The following CNTNAP2 variants were observed in gnomAD, a reference collection of about 807,000 sequenced individuals.
CNTNAP2 encodes contactin associated protein 2.
A neutral mutation model predicts 155.2 loss-of-function variants in CNTNAP2; 98 were observed. That is an observed-to-expected ratio of 0.63 (90% CI 0.54 to 0.75). The LOEUF (loss-of-function observed/expected upper bound fraction) is 0.75, where lower values mean the gene tolerates loss of function less well. CNTNAP2 is among the 30% of genes least tolerant of loss of function. CNTNAP2 has a pLI of 0.00. For missense variants in CNTNAP2, 1,727 were observed against 1,688.1 expected, an observed-to-expected ratio of 1.02 and a Z score of -0.40; for synonymous variants, 651 against 631.2, an observed-to-expected ratio of 1.03 and a Z score of -0.47.
At chr7:147,945,689 T>TTATA (rs10557677) in intron 14 of CNTNAP2, among the ~76,000 whole-genome samples, 33,735 of 148,040 alleles carry the variant, frequency 0.23, 4,504 homozygotes, top group South Asian at 0.34. Context: ...ACAAAAGCCT[T>TTATA]TATATATATA....
At chr7:146,519,079 G>A (rs73741729) in intron 1 of CNTNAP2, among the ~76,000 whole-genome samples, 1,579 of 151,932 alleles carry the variant, frequency 0.01, 24 homozygotes, top group Middle Eastern at 0.065. Flanking sequence ...ATCTCTAAAC[G>A]AGCGTGTGTT....
chr7:147,609,186 A>C (rs975054359), intron 12 of CNTNAP2, among the ~76,000 whole-genome samples: 2 of 152,130 alleles, frequency 1.3e-5, no homozygotes, highest in Non-Finnish European at 2.9e-5. Context: ...TGCAAAAGTT[A>C]AAACAAACAA....
intron 15 of CNTNAP2, among the ~76,000 whole-genome samples, chr7:148,071,895 C>G (rs1483803243): frequency 6.6e-6 from 1 of 152,150 alleles, no homozygotes; most frequent in East Asian, 1.9e-4. Context: ...GTTCACTCTT[C>G]AAGGTTGTGG....
At position 146,913,845 on chromosome 7, in the gene CNTNAP2, C is replaced by G. The variant is rs192655530; in HGVS notation, c.402+73941C>G. Among the ~76,000 whole-genome samples the G allele has an allele frequency of 3.1e-4, 47 of 151,858 alleles. 1 individual carries two copies. The highest frequency in any genetic ancestry group is 2.8e-3 in the Admixed American group (42 of 15,194). On this transcript the variant is annotated intron_variant, in intron 3 of 23. Coordinates refer to ENST00000361727, the MANE Select transcript of CNTNAP2 (RefSeq NM_014141.6). ...AGTGGTGATTTCTGAGATTTTGGAG[C>G]ACCCATCACCTGAGCAGTGTACACC...
chr7:146,787,675 T>G (rs1458702170), intron 2 of CNTNAP2, among the ~76,000 whole-genome samples: 1 of 152,158 alleles, frequency 6.6e-6, no homozygotes, highest in Non-Finnish European at 1.5e-5. Flanking sequence ...CCGAGCAGGT[T>G]GTCACTGCTG....
chr7:147,868,322 A>G (rs1799267952), intron 13 of CNTNAP2, among the ~76,000 whole-genome samples: 2 of 152,202 alleles, frequency 1.3e-5, no homozygotes, highest in Non-Finnish European at 2.9e-5. Flanking sequence ...ATATTGCTGC[A>G]TGATCCTTCC....
chr7:147,084,594 TATA>T (rs571554815), intron 4 of CNTNAP2, among the ~76,000 whole-genome samples: 230 of 146,382 alleles, frequency 1.6e-3, no homozygotes, highest in African/African-American at 5.4e-3. Flanking sequence ...ATATAGCATA[TATA>T]ATGCTATATA....
At chr7:148,354,323 G>A (rs929470666) in intron 21 of CNTNAP2, among the ~76,000 whole-genome samples, 17 of 150,366 alleles carry the variant, frequency 1.1e-4, no homozygotes, top group African/African-American at 3.9e-4. Context: ...GGTTCCTCCT[G>A]ATAATCAAGG....
Position 148,384,016 on chromosome 7 carries a change from G to T in CNTNAP2, c.3715+128G>T, listed in dbSNP as rs939685567. On this transcript the variant is annotated intron_variant, in intron 22 of 23. Transcript: ENST00000361727. The stretch of plus-strand genomic sequence containing the variant: ...ATTGGAGGATTAAGAAAGGGCAAAG[G>T]AACGTTGTGAGTACGGAGTTCTCAG... 123 of 1,340,640 alleles carry T rather than the reference G, an allele frequency of 9.2e-5. 1 individual carries two copies. The South Asian group carries it at 1.5e-3, about 16-fold the overall frequency. The allele number at this position is 1,340,640 out of a possible 1,614,324, so 83.0% of individuals were successfully genotyped here.
chr7:146,569,217 C>T (rs1182285092), intron 1 of CNTNAP2, among the ~76,000 whole-genome samples: 1 of 152,024 alleles, frequency 6.6e-6, no homozygotes, highest in African/African-American at 2.4e-5. Flanking sequence ...GGGGTTTCAC[C>T]GCGTTAGCCA....
chr7:148,225,456 T>C (rs779454344), intron 19 of CNTNAP2, among the ~76,000 whole-genome samples: 1 of 151,942 alleles, frequency 6.6e-6, no homozygotes, highest in Non-Finnish European at 1.5e-5. Context: ...AGGAAGCCAA[T>C]GTGGATGGTG....
intron 1 of CNTNAP2, among the ~76,000 whole-genome samples, chr7:146,141,679 A>T (rs960204174): frequency 6.6e-6 from 1 of 152,148 alleles, no homozygotes; most frequent in African/African-American, 2.4e-5. Flanking sequence ...CATTAAAAAT[A>T]ATGTTATTGA....
At chr7:147,866,111 T>C (rs926942121) in intron 13 of CNTNAP2, among the ~76,000 whole-genome samples, 5 of 152,242 alleles carry the variant, frequency 3.3e-5, no homozygotes, top group Admixed American at 6.5e-5. Context: ...CCAGAGATTC[T>C]GGTACGTTGT....
chr7:147,913,780 A>T (rs1740377402), intron 14 of CNTNAP2, among the ~76,000 whole-genome samples: 2 of 152,158 alleles, frequency 1.3e-5, no homozygotes, highest in African/African-American at 4.8e-5. Context: ...AGTGGAGATG[A>T]AAAGAGCGTG....
intron 4 of CNTNAP2, among the ~76,000 whole-genome samples, chr7:147,075,318 C>G (rs1463223983): frequency 6.6e-6 from 1 of 152,116 alleles, no homozygotes; most frequent in African/African-American, 2.4e-5. Context: ...AGCCTGGGTT[C>G]TCTTGACTGC....
chr7:146,393,127 ATT>A (rs1795569360), intron 1 of CNTNAP2, among the ~76,000 whole-genome samples: 1 of 152,118 alleles, frequency 6.6e-6, no homozygotes, highest in African/African-American at 2.4e-5. Flanking sequence ...CATTGTTAGT[ATT>A]TTTCCACAGA....
intron 18 of CNTNAP2, among the ~76,000 whole-genome samples, chr7:148,179,058 TCTGGAAGATGCAA>T (rs1314644223): frequency 6.6e-6 from 1 of 152,172 alleles, no homozygotes; most frequent in Non-Finnish European, 1.5e-5. Context: ...ATGCAGAGAT[TCTGGAAGATGCAA>T]CTGGAAACCA....
At chr7:147,060,972 T>A (rs1799657823) in intron 4 of CNTNAP2, among the ~76,000 whole-genome samples, 1 of 152,248 alleles carries the variant, frequency 6.6e-6, no homozygotes, top group Admixed American at 6.5e-5. Flanking sequence ...TATGTTTTTC[T>A]GCATTAATAT....
At chr7:147,183,334 T>C (rs142812590) in intron 8 of CNTNAP2, among the ~76,000 whole-genome samples, 1 of 152,194 alleles carries the variant, frequency 6.6e-6, no homozygotes, top group Non-Finnish European at 1.5e-5. Context: ...AAGAGATTAA[T>C]CATAAATAAG....
Sources: gnomAD v4.1 joint callset for allele counts (sites outside exome capture counted in the v4.1 genomes callset) on GRCh38, gnomAD v4.1.1 for gene constraint, MANE v1.5 for transcripts, NCBI Gene and HGNC (gene_info 2026-07-23, HGNC 2026-07-21) for gene names.